PREX1: variants seen among roughly 807,000 people sequenced by gnomAD.
PREX1 encodes phosphatidylinositol-3,4,5-trisphosphate dependent Rac exchange factor 1.
PREX1 carries 41 observed loss-of-function variants against 198.3 expected under a neutral mutation model. The ratio of observed to expected loss-of-function variants is 0.21; its 90% CI spans 0.16 to 0.27. The LOEUF is 0.27. Ranked by LOEUF, PREX1 falls within the 10% of genes least tolerant of loss-of-function variation. The probability of loss-of-function intolerance (pLI) is 1.00; values close to 1 mark genes in which losing one functional copy is unlikely to be tolerated. For missense variants in PREX1, 1,620 were observed against 2,200.7 expected, an observed-to-expected ratio of 0.74 and a Z score of 5.28; for synonymous variants, 843 against 887.2, an observed-to-expected ratio of 0.95 and a Z score of 0.89.
chr20:48,882,401 T>C, the PREX1 span, among the ~76,000 whole-genome samples: 9 of 144,480 alleles, frequency 6.2e-5, no homozygotes, highest in South Asian at 2.2e-4. Context: ...ACTCGGGAGG[T>C]TGAGGCAGGA....
At chr20:48,854,543 A>G in the PREX1 span, among the ~76,000 whole-genome samples, 1 of 152,150 alleles carries the variant, frequency 6.6e-6, no homozygotes, top group South Asian at 2.1e-4. Flanking sequence ...CCTGGGCAAC[A>G]GAGTGAGACA....
Position 48,666,805 on chromosome 20 carries a change from A to G in PREX1, c.1666-450T>C, listed in dbSNP as rs368566242. Among the ~76,000 whole-genome samples the G allele has an allele frequency of 6.1e-3, 926 of 152,308 alleles. 13 individuals are homozygous for G. Among genetic ancestry groups the G allele is most frequent in the African/African-American group, 0.019 (777 of 41,574 alleles). On this transcript the variant is annotated intron_variant, in intron 14 of 39. Coordinates refer to ENST00000371941, the MANE Select transcript of PREX1 (RefSeq NM_020820.4). This position sits in a 1 kb window ranked among gnomAD's most constrained non-coding sequence, Gnocchi z 4.3. Reference sequence around the variant, plus strand: ...CTCCCAAAGTGCTGGAATTACAGGCATGAGCCACCACGCCTGGCCCCATTT... The same window carrying G: ...CTCCCAAAGTGCTGGAATTACAGGCGTGAGCCACCACGCCTGGCCCCATTT...
At chr20:48,796,766 ATAGT>A (rs1396496015) in intron 1 of PREX1, among the ~76,000 whole-genome samples, 2 of 147,400 alleles carry the variant, frequency 1.4e-5, no homozygotes, top group Non-Finnish European at 3.0e-5. Flanking sequence ...ATATACATAT[ATAGT>A]TATATATACA....
chr20:48,653,632 C>A (rs1601047664), intron 19 of PREX1, 135 bp from the exon 20 acceptor site: 1 of 1,118,296 alleles, frequency 8.9e-7, no homozygotes, highest in Non-Finnish European at 1.3e-6. Context: ...CACCCCAGAG[C>A]CGCCCTCTGA....
In PREX1 at chr20:48,652,573, C is replaced by T; in HGVS notation, c.2467+13G>A. 1.2e-6 allele frequency: 2 copies of T among 1,601,526 alleles called. No homozygotes were observed. Among genetic ancestry groups the T allele is most frequent in the South Asian group, 1.1e-5 (1 of 89,372 alleles). ...CTCTGGAAGCTCCTGTCATGCCATG[C>T]CCCGTCTATTACCTGAATCAGCCTG... On this transcript the variant is annotated intron_variant, in intron 21 of 39. Coordinates refer to ENST00000371941, the MANE Select transcript of PREX1 (RefSeq NM_020820.4).
chr20:48,661,246 C>A (rs1355856287), intron 15 of PREX1, among the ~76,000 whole-genome samples: 2 of 150,766 alleles, frequency 1.3e-5, no homozygotes, highest in Non-Finnish European at 3.0e-5. Context: ...ATGGAGAAAC[C>A]CTGTCTCCAC....
intron 3 of PREX1, among the ~76,000 whole-genome samples, chr20:48,741,663 G>A (rs191082836): frequency 1.3e-5 from 2 of 152,300 alleles, no homozygotes; most frequent in East Asian, 1.9e-4. Context: ...AGGGTGATGC[G>A]GACTGTTCTG....
chr20:48,760,541 G>C lies in PREX1; in HGVS notation c.220-12661C>G, dbSNP rs969180253. ...CAATTTCCTGGACCAAACAAAAAGGGGGGGAGGAGTAGTTGTTGAGGTTTA... is the reference window on the plus strand; with the variant it reads ...CAATTTCCTGGACCAAACAAAAAGGCGGGGAGGAGTAGTTGTTGAGGTTTA... On this transcript the variant is annotated intron_variant, in intron 1 of 39. Transcript: ENST00000371941. Among the ~76,000 whole-genome samples the C allele has an allele frequency of 6.6e-5, 10 of 152,104 alleles. No homozygotes were observed. The East Asian group carries it at 1.9e-3, about 29-fold the overall frequency.
intron 3 of PREX1, among the ~76,000 whole-genome samples, chr20:48,737,421 C>T (rs946075813): frequency 6.6e-5 from 10 of 152,026 alleles, no homozygotes; most frequent in African/African-American, 1.2e-4. Flanking sequence ...TCCATCGGGA[C>T]GGCGTTTTCA....
At chr20:48,780,435 C>T (rs955207566) in intron 1 of PREX1, among the ~76,000 whole-genome samples, 2 of 152,010 alleles carry the variant, frequency 1.3e-5, no homozygotes, top group African/African-American at 4.8e-5. Context: ...CTGGGCAACA[C>T]AGCAAGACCC....
chr20:48,629,338 C>G (rs1218359194), intron 37 of PREX1, 111 bp downstream of exon 37: 7 of 1,394,490 alleles, frequency 5.0e-6, no homozygotes, highest in Non-Finnish European at 6.9e-6. Flanking sequence ...CAGGCAATGG[C>G]AGAACCAGGA....
chr20:48,649,493 C>G lies in PREX1; in HGVS notation c.3112G>C (p.Gly1038Arg). The change falls in exon 25 of 40, where the codon GGT becomes CGT. Residue 1038 changes from glycine (G) to arginine (R), a missense_variant. Physicochemically the swap from Gly to Arg is moderately radical, Grantham distance 125 (BLOSUM62 -2). Coordinates refer to ENST00000371941, the MANE Select transcript of PREX1 (RefSeq NM_020820.4). ...TGGAGACCCTGGCCTTGGGGATCAC[C>G]CTCTGCAGCAGGCAAGCACTTCCAG... The part of the protein sequence containing the change: ...PSWKCLPAAE[G>R]DPQGQGLHDG... 6.2e-7 allele frequency: 1 copy of G among 1,614,070 alleles called. No homozygotes were observed. The highest frequency in any genetic ancestry group is 1.1e-5 in the South Asian group (1 of 91,056).
chr20:48,686,668 C>CA (rs1199133198), intron 10 of PREX1, among the ~76,000 whole-genome samples: 1 of 152,216 alleles, frequency 6.6e-6, no homozygotes, highest in African/African-American at 2.4e-5. Context: ...CCGCCTGCCC[C>CA]AGCCAGCAGG....
chr20:48,748,410 C>G (rs2090119145), intron 1 of PREX1, among the ~76,000 whole-genome samples: 1 of 151,988 alleles, frequency 6.6e-6, no homozygotes, highest in Non-Finnish European at 1.5e-5. Flanking sequence ...ACCCCAGCTA[C>G]TAGTTTCTTG....
chr20:48,723,707 C>T (rs567431811), intron 5 of PREX1, among the ~76,000 whole-genome samples: 16 of 152,306 alleles, frequency 1.1e-4, no homozygotes, highest in African/African-American at 3.1e-4. Context: ...CACGGGTCGC[C>T]GGGCGGTTCT....
intron 4 of PREX1, among the ~76,000 whole-genome samples, chr20:48,726,778 C>T (rs2090012564): frequency 6.6e-6 from 1 of 152,286 alleles, no homozygotes; most frequent in East Asian, 1.9e-4. Flanking sequence ...CATATACACA[C>T]CAGGAGACTC....
rs576281759 is a variant in PREX1, at chr20:48,649,671, A to G, written c.3029-95T>C. 54 of 1,381,718 alleles carry G rather than the reference A, an allele frequency of 3.9e-5. No individual in the cohort carries two copies. The Admixed American group carries it at 4.1e-4, about 10-fold the overall frequency. The allele number at this position is 1,381,718 out of a possible 1,614,324, so 85.6% of individuals were successfully genotyped here. A position where few individuals can be genotyped will look rare whatever the true frequency, so the allele number is the denominator to read the frequency against. On this transcript the variant is annotated intron_variant, in intron 24 of 39. Coordinates refer to ENST00000371941, the MANE Select transcript of PREX1 (RefSeq NM_020820.4). Reference sequence around the variant, plus strand: ...ATACAAACCCATTTCAAGGATCCCAATGAAGGAGAAAAATGTCCCTTCTAA... The same window carrying G: ...ATACAAACCCATTTCAAGGATCCCAGTGAAGGAGAAAAATGTCCCTTCTAA...
At position 48,666,248 on chromosome 20, in the gene PREX1, G is replaced by A; in HGVS notation, c.1738+35C>T. The stretch of plus-strand genomic sequence containing the variant: ...CAAACCATCAGCTCCAGGGAGCAAG[G>A]TCCCGGGGGCTGGGCTGCAGGTGGG... On this transcript the variant is annotated intron_variant, in intron 15 of 39. Coordinates refer to ENST00000371941, the MANE Select transcript of PREX1 (RefSeq NM_020820.4). The surrounding 1 kb of genome is among the most constrained non-coding windows in gnomAD (Gnocchi z 4.3). 1 of 1,530,860 alleles carries A rather than the reference G, an allele frequency of 6.5e-7. No individual in the cohort carries two copies. The highest frequency in any genetic ancestry group is 8.8e-7 in the Non-Finnish European group (1 of 1,131,546). The allele number at this position is 1,530,860 out of a possible 1,614,324, so 94.8% of individuals were successfully genotyped here.
At chr20:48,733,192 T>C (rs1345460320) in intron 4 of PREX1, among the ~76,000 whole-genome samples, 1 of 152,112 alleles carries the variant, frequency 6.6e-6, no homozygotes, top group African/African-American at 2.4e-5. Flanking sequence ...AAGACCATCA[T>C]GGATGTCTAC....
Sources: gnomAD v4.1 joint callset for allele counts (sites outside exome capture counted in the v4.1 genomes callset) on GRCh38, gnomAD v4.1.1 for gene constraint, Gnocchi (gnomAD v3.1) non-coding constraint, MANE v1.5 for transcripts, NCBI Gene and HGNC (gene_info 2026-07-23, HGNC 2026-07-21) for gene names.